IFT88: variants seen among roughly 807,000 people sequenced by gnomAD.
IFT88 encodes the protein intraflagellar transport protein 88 homolog.
A neutral mutation model predicts 119.5 loss-of-function variants in IFT88; 74 were observed. The observed-to-expected ratio is 0.62, with a 90% CI of 0.51 to 0.75. IFT88 has a LOEUF of 0.75. Ranked by LOEUF, IFT88 falls within the 30% of genes least tolerant of loss-of-function variation. IFT88 has a pLI of 0.00. For synonymous variants in IFT88, 279 were observed against 316.7 expected (o/e 0.88, Z 1.26); for missense variants, 961 against 977.7 (o/e 0.98, Z 0.23).
At chr13:20,690,291 A>G (rs1252302051) in intron 24 of IFT88, among the ~76,000 whole-genome samples, 2 of 152,212 alleles carry the variant, frequency 1.3e-5, no homozygotes, top group African/African-American at 2.4e-5. Flanking sequence ...CTGGTTAAAA[A>G]GTACTACTAA....
chr13:20,662,338 G>T (rs2053955676), intron 22 of IFT88, among the ~76,000 whole-genome samples: 1 of 151,852 alleles, frequency 6.6e-6, no homozygotes, highest in African/African-American at 2.4e-5. Context: ...AAAAGTCCAG[G>T]ACCAGACAGA....
intron 20 of IFT88, among the ~76,000 whole-genome samples, chr13:20,651,095 A>C (rs1010908733): frequency 1.3e-5 from 2 of 152,006 alleles, no homozygotes; most frequent in Non-Finnish European, 2.9e-5. Flanking sequence ...CAAATTTTAA[A>C]ATCAGGAAGC....
intron 1 of IFT88, among the ~76,000 whole-genome samples, chr13:20,568,480 C>G (rs1162600600): frequency 6.6e-6 from 1 of 152,196 alleles, no homozygotes; most frequent in Non-Finnish European, 1.5e-5. Context: ...TGGTTACAAC[C>G]TAGCAGAAAG....
chr13:20,575,820 C>T (rs2037270433), intron 2 of IFT88, among the ~76,000 whole-genome samples: 1 of 152,210 alleles, frequency 6.6e-6, no homozygotes, highest in Non-Finnish European at 1.5e-5. Flanking sequence ...ACTTTGGCGC[C>T]AACCTAATAG....
intron 11 of IFT88, among the ~76,000 whole-genome samples, chr13:20,600,177 A>G (rs1054463275): frequency 2.6e-5 from 4 of 152,160 alleles, no homozygotes; most frequent in Admixed American, 1.3e-4. Context: ...TGAATTTTAC[A>G]TAATATCTCA....
intron 13 of IFT88, among the ~76,000 whole-genome samples, chr13:20,609,953 G>T (rs185169694): frequency 6.6e-6 from 1 of 152,098 alleles, no homozygotes; most frequent in Non-Finnish European, 1.5e-5. Context: ...GGGTCTTGGT[G>T]ATGACTGCCA....
intron 1 of IFT88, among the ~76,000 whole-genome samples, chr13:20,572,680 T>C (rs1476892661): frequency 1.3e-5 from 2 of 152,194 alleles, no homozygotes; most frequent in African/African-American, 4.8e-5. Flanking sequence ...TTGCTGAGTT[T>C]TCACAAATGC....
At chr13:20,591,937 TA>T (rs1363404573) in intron 6 of IFT88, among the ~76,000 whole-genome samples, 1 of 152,116 alleles carries the variant, frequency 6.6e-6, no homozygotes. Context: ...AATGATAATT[TA>T]AAAATAAAAT....
At position 20,688,679 on chromosome 13, in the gene IFT88, A is replaced by G. The variant is rs748545132; in HGVS notation, c.2243-2026A>G. Among the ~76,000 whole-genome samples, 5 of 152,214 alleles carry G rather than the reference A, an allele frequency of 3.3e-5. No individual in the cohort carries two copies. In the East Asian group the frequency reaches 9.6e-4, roughly 29 times the overall value. ...GGAAATAAGTCACTAAGAGTAAGCA[A>G]CAACAGAAACTATAGAGTCCAATCT... On this transcript the variant is annotated intron_variant, in intron 24 of 25. Coordinates refer to ENST00000351808, the MANE Select transcript of IFT88 (RefSeq NM_006531.5).
At chr13:20,627,834 A>G (rs1303332473) in intron 15 of IFT88, among the ~76,000 whole-genome samples, 1 of 151,890 alleles carries the variant, frequency 6.6e-6, no homozygotes, top group Admixed American at 6.6e-5. Context: ...TAATGTTAAA[A>G]CCTGTTGAAC....
intron 15 of IFT88, among the ~76,000 whole-genome samples, chr13:20,627,364 T>A (rs984240860): frequency 1.4e-4 from 22 of 152,162 alleles, no homozygotes; most frequent in African/African-American, 5.1e-4. Flanking sequence ...TGTACTGTTA[T>A]GGATGACAAA....
chr13:20,578,845 A>C (rs1305360469), intron 2 of IFT88, among the ~76,000 whole-genome samples: 1 of 152,188 alleles, frequency 6.6e-6, no homozygotes, highest in African/African-American at 2.4e-5. Flanking sequence ...CACCGCATCC[A>C]GCCGATCCTT....
At chr13:20,612,802 C>A (rs911232867) in intron 13 of IFT88, among the ~76,000 whole-genome samples, 4 of 152,146 alleles carry the variant, frequency 2.6e-5, no homozygotes, top group Non-Finnish European at 5.9e-5. Context: ...AAAACTCTTA[C>A]GTTTATAGCC....
At chr13:20,615,452 C>T (rs375111687) in intron 13 of IFT88, among the ~76,000 whole-genome samples, 52 of 152,280 alleles carry the variant, frequency 3.4e-4, no homozygotes, top group African/African-American at 1.2e-3. Context: ...GTGGTAATTT[C>T]ACCCTTTACT....
chr13:20,658,451 A>G (rs1381570599), intron 22 of IFT88, among the ~76,000 whole-genome samples: 1 of 152,200 alleles, frequency 6.6e-6, no homozygotes, highest in African/African-American at 2.4e-5. Context: ...CAGTGGATGC[A>G]GGCGTCTGTT....
intron 24 of IFT88, among the ~76,000 whole-genome samples, chr13:20,677,225 C>G (rs556220159): frequency 6.6e-6 from 1 of 152,254 alleles, no homozygotes; most frequent in Non-Finnish European, 1.5e-5. Flanking sequence ...TATCGGCGTT[C>G]ATTTTTACAA....
At chr13:20,580,096 T>A (rs2038251540) in intron 2 of IFT88, among the ~76,000 whole-genome samples, 1 of 152,242 alleles carries the variant, frequency 6.6e-6, no homozygotes, top group South Asian at 2.1e-4. Context: ...ATGTTTGGAA[T>A]TGAACTAGTA....
chr13:20,590,762 A>C (rs193167220), intron 4 of IFT88, among the ~76,000 whole-genome samples: 2 of 152,232 alleles, frequency 1.3e-5, no homozygotes, highest in Non-Finnish European at 2.9e-5. Flanking sequence ...TTCCAGTAAA[A>C]CTTTATTTAC....
At chr13:20,628,750 A>T (rs901602488) in intron 15 of IFT88, among the ~76,000 whole-genome samples, 1 of 152,198 alleles carries the variant, frequency 6.6e-6, no homozygotes, top group Non-Finnish European at 1.5e-5. Context: ...AGTGATACCC[A>T]TTTAGGATGT....
Sources: gnomAD v4.1 joint callset for allele counts (sites outside exome capture counted in the v4.1 genomes callset) on GRCh38, gnomAD v4.1.1 for gene constraint, MANE v1.5 for transcripts, NCBI Gene and HGNC (gene_info 2026-07-23, HGNC 2026-07-21) for gene names.